Variants in MYO1B observed in about 807,000 individuals in gnomAD.
MYO1B encodes the protein myosin IB, also known as unconventional myosin-Ib.
Under a neutral mutation model 159.7 loss-of-function variants are expected in MYO1B, and 72 were observed. The observed-to-expected ratio is 0.45, with a 90% CI of 0.37 to 0.55. MYO1B has a LOEUF of 0.55. Among genes scored for constraint, MYO1B ranks in the 20% least tolerant of loss-of-function variants. The pLI is 0.00. For synonymous variants in MYO1B, 468 were observed against 473.8 expected (o/e 0.99, Z 0.16); for missense variants, 1,062 against 1,364.8 (o/e 0.78, Z 3.50).
At chr2:191,320,555 GCATCT>G (rs1307798323) in intron 3 of MYO1B, among the ~76,000 whole-genome samples, 1 of 151,950 alleles carries the variant, frequency 6.6e-6, no homozygotes, top group Non-Finnish European at 1.5e-5. Flanking sequence ...CTATATTCAG[GCATCT>G]CATTAATATT....
chr2:191,361,186 T>G (rs986569766), intron 8 of MYO1B, among the ~76,000 whole-genome samples: 2 of 152,194 alleles, frequency 1.3e-5, no homozygotes, highest in South Asian at 2.1e-4. Context: ...CAGTCTGGAC[T>G]TGGCCAAAGC....
chr2:191,398,432 C>CT (rs1489239370), intron 21 of MYO1B, among the ~76,000 whole-genome samples: 1 of 145,174 alleles, frequency 6.9e-6, no homozygotes. Context: ...GACCCCCCCC[C>CT]ACCTCCCTCC....
chr2:191,265,194 T>TG lies in MYO1B; in HGVS notation c.-9-11693_-9-11692insG, dbSNP rs1366947708. On this transcript the variant is annotated intron_variant, in intron 1 of 30. Coordinates refer to ENST00000392318, the MANE Select transcript of MYO1B (RefSeq NM_001130158.3). ...AACGATGGGAAGGCCCCTGTTTTTT[T>TG]TTTTTTTTTTTTAAAGAAGGCCATT... Among the ~76,000 whole-genome samples, 277 of 152,038 alleles carry TG rather than the reference T, an allele frequency of 1.8e-3. 1 individual carries two copies. The highest frequency in any genetic ancestry group is 5.9e-3 in the African/African-American group (246 of 41,422).
intron 3 of MYO1B, among the ~76,000 whole-genome samples, chr2:191,317,066 C>T (rs1351375313): frequency 5.3e-5 from 8 of 152,010 alleles, no homozygotes; most frequent in East Asian, 1.9e-4. Context: ...TTGCGGAGGC[C>T]GAAGGGGACT....
rs566175766 is a variant in MYO1B at position 191,326,906 on chromosome 2, G to A, written c.252-3029G>A. The stretch of plus-strand genomic sequence containing the variant: ...ATAATGCAAAGTTGTAGCCCTAGGA[G>A]CATGGGAAAAAGGTCTGTATTCAAC... On this transcript the variant is annotated intron_variant, in intron 3 of 30. Coordinates refer to ENST00000392318, the MANE Select transcript of MYO1B (RefSeq NM_001130158.3). Among the ~76,000 whole-genome samples, 5 of 152,082 alleles carry A rather than the reference G, an allele frequency of 3.3e-5. No individual in the cohort carries two copies. In the South Asian group the frequency reaches 1.0e-3, roughly 32 times the overall value.
rs1443865932 is a variant in MYO1B at position 191,398,425 on chromosome 2, C to CA, written c.2295+1928_2295+1929insA. On this transcript the variant is annotated intron_variant, in intron 21 of 30. Coordinates refer to ENST00000392318, the MANE Select transcript of MYO1B (RefSeq NM_001130158.3). ...GCGGCTGGCCGGGCGGGGGGCTGAC[C>CA]CCCCCCCACCTCCCTCCCGGACGGA... Among the ~76,000 whole-genome samples, 25 of 107,952 alleles carry CA rather than the reference C, an allele frequency of 2.3e-4. 3 individuals carry two copies. The South Asian group carries it at 6.4e-3, about 28-fold the overall frequency. The allele number at this position is 107,952 out of a possible 152,430, so 70.8% of individuals were successfully genotyped here.
At position 191,276,949 on chromosome 2, in the gene MYO1B, G is replaced by T; in HGVS notation, c.54G>T (p.Gly18=). 1 of 1,613,948 alleles carries T rather than the reference G, an allele frequency of 6.2e-7. No individual in the cohort carries two copies. Among genetic ancestry groups the T allele is most frequent in the Non-Finnish European group, 8.5e-7 (1 of 1,179,944 alleles). Residue 18 remains glycine, a synonymous_variant, in exon 2 of 31, where the codon GGG becomes GGT. Transcript: ENST00000392318. ...TTCTGGACAATATGATTGGAGTTGGGGATATGGTTCTTTTAGAACCTCTCA... is the reference window on the plus strand; with the variant it reads ...TTCTGGACAATATGATTGGAGTTGGTGATATGGTTCTTTTAGAACCTCTCA... The part of the protein sequence containing the change: ...TSLLDNMIGV[G]DMVLLEPLNE...
chr2:191,355,784 C>T (rs999743693), intron 7 of MYO1B, among the ~76,000 whole-genome samples: 2 of 152,076 alleles, frequency 1.3e-5, no homozygotes, highest in African/African-American at 2.4e-5. Context: ...GGGGCCAGCA[C>T]GCTGGGGGAG....
At chr2:191,323,981 A>G (rs1045728264) in intron 3 of MYO1B, among the ~76,000 whole-genome samples, 5 of 152,154 alleles carry the variant, frequency 3.3e-5, no homozygotes, top group African/African-American at 9.7e-5. Flanking sequence ...CTGTCATGCT[A>G]TGGCATAGCA....
intron 3 of MYO1B, among the ~76,000 whole-genome samples, chr2:191,318,270 A>G (rs1323092875): frequency 6.6e-6 from 1 of 152,198 alleles, no homozygotes; most frequent in East Asian, 1.9e-4. Flanking sequence ...CCAGCTCTAG[A>G]GGAGGGCCTT....
intron 1 of MYO1B, among the ~76,000 whole-genome samples, chr2:191,251,698 C>A (rs180803053): frequency 6.6e-6 from 1 of 152,158 alleles, no homozygotes; most frequent in Non-Finnish European, 1.5e-5. Context: ...AATGCAATAT[C>A]TTTAAAGACT....
chr2:191,366,414 G>T (rs2126026264), intron 11 of MYO1B, among the ~76,000 whole-genome samples: 1 of 151,904 alleles, frequency 6.6e-6, no homozygotes, highest in East Asian at 1.9e-4. Flanking sequence ...GTAGTACTCA[G>T]AGTATCTGGT....
chr2:191,262,623 G>A (rs111571348), intron 1 of MYO1B, among the ~76,000 whole-genome samples: 2 of 147,452 alleles, frequency 1.4e-5, no homozygotes, highest in African/African-American at 5.0e-5. Context: ...CTCTCTCCCC[G>A]CCCACCCATT....
chr2:191,359,591 C>T (rs778235066), intron 7 of MYO1B, among the ~76,000 whole-genome samples: 1 of 152,104 alleles, frequency 6.6e-6, no homozygotes, highest in Non-Finnish European at 1.5e-5. Flanking sequence ...TTCACTCTAC[C>T]TAAACTCCTC....
intron 30 of MYO1B, among the ~76,000 whole-genome samples, chr2:191,420,358 C>T (rs1697861966): frequency 6.6e-6 from 1 of 152,194 alleles, no homozygotes; most frequent in Non-Finnish European, 1.5e-5. Context: ...CATTCACTAA[C>T]AACTCACTCA....
intron 20 of MYO1B, 86 bp downstream of exon 20, chr2:191,393,308 C>G: frequency 7.0e-7 from 1 of 1,434,334 alleles, no homozygotes; most frequent in Non-Finnish European, 9.5e-7. Flanking sequence ...GTGATTTTTA[C>G]ATACTTAATT....
intron 9 of MYO1B, among the ~76,000 whole-genome samples, chr2:191,362,871 ATG>A (rs1350284292): frequency 6.6e-6 from 1 of 152,226 alleles, no homozygotes; most frequent in Middle Eastern, 3.2e-3. Context: ...TTGACATGAT[ATG>A]GTAACTGGGA....
chr2:191,252,858 A>G (rs1398675151), intron 1 of MYO1B, among the ~76,000 whole-genome samples: 1 of 152,100 alleles, frequency 6.6e-6, no homozygotes. Flanking sequence ...TTGACTTTGG[A>G]TTCTAGAGCA....
chr2:191,340,936 G>C (rs1191707564), intron 4 of MYO1B, among the ~76,000 whole-genome samples: 1 of 152,062 alleles, frequency 6.6e-6, no homozygotes, highest in African/African-American at 2.4e-5. Context: ...TATCAGCCAG[G>C]CTGGTCTCAA....
Sources: gnomAD v4.1 joint callset for allele counts (sites outside exome capture counted in the v4.1 genomes callset) on GRCh38, gnomAD v4.1.1 for gene constraint, MANE v1.5 for transcripts, NCBI Gene and HGNC (gene_info 2026-07-23, HGNC 2026-07-21) for gene names.